Variants in SPNS3 observed in about 807,000 individuals in gnomAD.
SPNS3 encodes SPNS lysolipid transporter 3, sphingosine-1-phosphate (putative), also known as protein spinster homolog 3.
Under a neutral mutation model 54.4 loss-of-function variants are expected in SPNS3, and 51 were observed. The observed-to-expected ratio is 0.94, with a 90% CI of 0.75 to 1.18. The LOEUF is 1.18. SPNS3 is among the 50% of genes most tolerant of loss of function. The probability of loss-of-function intolerance (pLI) is 0.00; values close to 1 mark genes in which losing one functional copy is unlikely to be tolerated. For synonymous variants in SPNS3, 309 were observed against 294.7 expected (o/e 1.05, Z -0.50); for missense variants, 669 against 677.4 (o/e 0.99, Z 0.14).
rs376461884 is a variant in SPNS3 at position 4,486,447 on chromosome 17, C to G, written c.1314C>G (p.Ser438=). 1 of 1,611,946 alleles carries G rather than the reference C, an allele frequency of 6.2e-7. No individual in the cohort carries two copies. Among genetic ancestry groups the G allele is most frequent in the Non-Finnish European group, 8.5e-7 (1 of 1,178,914 alleles). The change falls in exon 11 of 12, where the codon TCC becomes TCG. Residue 438 remains serine, a synonymous_variant. Transcript: ENST00000355530. The surrounding 1 kb of genome is among the most constrained non-coding windows in gnomAD (Gnocchi z 5.5). ...TCCTGCGGGCCAGGCGCCCTGACTC[C>G]TATCTGCAGCGCTTCCGCAGCCTGC... is the stretch of plus-strand genomic sequence containing the variant. ...SSVLRARRPD[S]YLQRFRSLQQ...
intron 2 of SPNS3, among the ~76,000 whole-genome samples, chr17:4,444,656 C>CG (rs576270488): frequency 1.0e-3 from 156 of 152,234 alleles, no homozygotes; most frequent in Admixed American, 3.7e-3. Context: ...TCCAGGCTCA[C>CG]GGGGGTCATG....
At chr17:4,448,018 T>G in intron 5 of SPNS3, 137 bp from the exon 6 acceptor site, 1 of 752,804 alleles carries the variant, frequency 1.3e-6, no homozygotes, top group Non-Finnish European at 2.0e-6. Context: ...CATCCAGGAA[T>G]CAGGTCACCC....
Position 4,479,494 on chromosome 17 carries a change from C to T in SPNS3, c.1179+857C>T, listed in dbSNP as rs1051724102. 5.3e-5 allele frequency among the ~76,000 whole-genome samples: 8 copies of T among 152,246 alleles called. No homozygotes were observed. In the South Asian group the frequency reaches 6.2e-4, roughly 12 times the overall value. ...GCCCCTCCCTGAGCCCCATGCTCTT[C>T]GTCCAGCCTCCTTGCCTCCTTCTGG... On this transcript the variant is annotated intron_variant, in intron 9 of 11. Coordinates refer to ENST00000355530, the MANE Select transcript of SPNS3 (RefSeq NM_182538.5).
intron 8 of SPNS3, among the ~76,000 whole-genome samples, chr17:4,464,071 T>G (rs2144131638): frequency 6.6e-6 from 1 of 152,320 alleles, no homozygotes; most frequent in East Asian, 1.9e-4. Flanking sequence ...CCAGATTTCC[T>G]GAAGTAGGGG....
intron 1 of SPNS3, among the ~76,000 whole-genome samples, chr17:4,435,647 G>C (rs1381206686): frequency 6.6e-6 from 1 of 151,904 alleles, no homozygotes; most frequent in Non-Finnish European, 1.5e-5. Context: ...TGCTGGCTGT[G>C]TTTCTAGGAC....
intron 8 of SPNS3, among the ~76,000 whole-genome samples, chr17:4,466,280 G>A (rs1330726207): frequency 6.6e-6 from 1 of 152,206 alleles, no homozygotes; most frequent in African/African-American, 2.4e-5. Flanking sequence ...GGTAGCTCAT[G>A]CCTGTAATCC....
chr17:4,438,294 C>A (rs776343066), intron 1 of SPNS3, among the ~76,000 whole-genome samples: 1 of 152,198 alleles, frequency 6.6e-6, no homozygotes, highest in Admixed American at 6.5e-5. Context: ...CAGCTTCAGA[C>A]GGGCAACCTT....
chr17:4,455,900 G>T (rs1365557533), intron 8 of SPNS3, among the ~76,000 whole-genome samples: 1 of 121,002 alleles, frequency 8.3e-6, no homozygotes, highest in Non-Finnish European at 1.9e-5. Context: ...TTCCTTCCTG[G>T]CAAGCACTGC....
chr17:4,467,410 C>T (rs951504904), intron 8 of SPNS3, among the ~76,000 whole-genome samples: 6 of 152,070 alleles, frequency 3.9e-5, no homozygotes, highest in Non-Finnish European at 7.4e-5. Flanking sequence ...TGCCTGTGTC[C>T]GCTCATGTGG....
intron 8 of SPNS3, among the ~76,000 whole-genome samples, chr17:4,454,412 C>G (rs1428773733): frequency 1.3e-5 from 2 of 152,246 alleles, no homozygotes; most frequent in East Asian, 3.8e-4. Flanking sequence ...CACAGATGCG[C>G]TTGCACATGT....
chr17:4,478,355 G>A (rs994391754), intron 8 of SPNS3, among the ~76,000 whole-genome samples: 2 of 152,168 alleles, frequency 1.3e-5, no homozygotes, highest in Non-Finnish European at 2.9e-5. Context: ...GACTCCAGGG[G>A]CTGGACACTC....
At chr17:4,460,316 T>C (rs1224560622) in intron 8 of SPNS3, among the ~76,000 whole-genome samples, 2 of 152,226 alleles carry the variant, frequency 1.3e-5, no homozygotes, top group African/African-American at 4.8e-5. Flanking sequence ...TTGTCCTTTA[T>C]TCAATTTCTA....
Position 4,480,471 on chromosome 17 carries a change from G to C in SPNS3, c.1179+1834G>C, listed in dbSNP as rs757021278. Among the ~76,000 whole-genome samples the C allele has an allele frequency of 7.2e-5, 11 of 152,302 alleles. No individual in the cohort carries two copies. The East Asian group carries it at 2.1e-3, about 29-fold the overall frequency. On this transcript the variant is annotated intron_variant, in intron 9 of 11. Coordinates refer to ENST00000355530, the MANE Select transcript of SPNS3 (RefSeq NM_182538.5). ...AGCATAGCTGGTTCTCTCTGAGGTGGTCCAAACAGAGCTGCACCTGCCCCC... is the reference window on the plus strand; with the variant it reads ...AGCATAGCTGGTTCTCTCTGAGGTGCTCCAAACAGAGCTGCACCTGCCCCC...
Position 4,486,254 on chromosome 17 carries a change from G to A in SPNS3, c.1206G>A (p.Gly402=). The A allele has an allele frequency of 3.2e-6, 5 of 1,571,750 alleles. No individual in the cohort carries two copies. The highest frequency in any genetic ancestry group is 4.3e-6 in the Non-Finnish European group (5 of 1,162,402). ...LLSVVVPRCR[G]TAEALQITVG... is the part of the protein sequence containing the mutation. ...CTGTGGTGGTGCCCAGATGCCGGGG[G>A]ACGGCAGAGGCACTTCAGATCACGG... Residue 402 remains glycine (G), a synonymous_variant, in exon 10 of 12, where the codon GGG becomes GGA. Coordinates refer to ENST00000355530, the MANE Select transcript of SPNS3 (RefSeq NM_182538.5). This position sits in a 1 kb window ranked among gnomAD's most constrained non-coding sequence, Gnocchi z 5.5.
chr17:4,436,537 C>T (rs561328873), intron 1 of SPNS3, among the ~76,000 whole-genome samples: 27 of 107,278 alleles, frequency 2.5e-4, no homozygotes, highest in Admixed American at 5.1e-4. Flanking sequence ...GAGGCTGAAG[C>T]GGGAGGATTG....
At chr17:4,484,839 TTTGG>T (rs1164238221) in intron 9 of SPNS3, among the ~76,000 whole-genome samples, 2 of 151,962 alleles carry the variant, frequency 1.3e-5, no homozygotes. Flanking sequence ...ACTTGAGTTA[TTTGG>T]TTGGCAAACT....
At chr17:4,482,844 G>T (rs1355690441) in intron 9 of SPNS3, among the ~76,000 whole-genome samples, 1 of 152,170 alleles carries the variant, frequency 6.6e-6, no homozygotes, top group African/African-American at 2.4e-5. Context: ...CCCCCTCCAG[G>T]CAGGGGACAG....
intron 8 of SPNS3, among the ~76,000 whole-genome samples, chr17:4,466,445 C>A (rs1319210359): frequency 6.7e-6 from 1 of 148,916 alleles, no homozygotes; most frequent in Non-Finnish European, 1.5e-5. Context: ...GAGGCTGAGG[C>A]AGGAGAATCG....
intron 8 of SPNS3, among the ~76,000 whole-genome samples, chr17:4,460,412 T>A (rs1166008078): frequency 2.0e-5 from 3 of 150,384 alleles, no homozygotes; most frequent in Non-Finnish European, 2.9e-5. Context: ...TGGGTAATCA[T>A]TTTTATGTAT....
Sources: allele counts gnomAD v4.1 joint callset (sites outside exome capture counted in the v4.1 genomes callset), GRCh38; gene constraint gnomAD v4.1.1; non-coding constraint Gnocchi (gnomAD v3.1); transcripts MANE v1.5; gene names NCBI Gene and HGNC (gene_info 2026-07-23, HGNC 2026-07-21).